The following ASB4 variants were observed in gnomAD, a reference collection of about 807,000 sequenced individuals.
The protein encoded by ASB4 is ankyrin repeat and SOCS box containing 4, also known as ankyrin repeat and SOCS box protein 4.
In ASB4, 35 loss-of-function variants were observed where a neutral mutation model predicts 38.6. That is an observed-to-expected ratio of 0.91 (90% CI 0.69 to 1.20). The LOEUF (loss-of-function observed/expected upper bound fraction) is 1.20, where lower values mean the gene tolerates loss of function less well. Ranked by LOEUF, ASB4 falls within the 50% of genes most tolerant of loss-of-function variation. The probability of loss-of-function intolerance (pLI) is 0.00; values close to 1 mark genes in which losing one functional copy is unlikely to be tolerated. For missense variants in ASB4, 557 were observed against 527.2 expected (o/e 1.06, Z -0.55); for synonymous variants, 195 against 201.3 (o/e 0.97, Z 0.26).
upstream of ASB4, among the ~76,000 whole-genome samples, chr7:95,485,004 GTGTGTGTATATATGTGTATATA>G (rs1790067828): frequency 7.3e-6 from 1 of 136,822 alleles, no homozygotes; most frequent in Non-Finnish European, 1.6e-5. Flanking sequence ...ATGTATATAT[GTGTGTGTATATATGTGTATATA>G]TGTATATATG....
intron 2 of ASB4, among the ~76,000 whole-genome samples, chr7:95,511,390 T>A (rs1195927116): frequency 1.3e-5 from 2 of 151,968 alleles, no homozygotes; most frequent in Non-Finnish European, 2.9e-5. Flanking sequence ...CACTCTTGAA[T>A]TAAGAGGGCC....
At chr7:95,546,726 G>C in the ASB4 span, among the ~76,000 whole-genome samples, 1 of 152,184 alleles carries the variant, frequency 6.6e-6, no homozygotes, top group African/African-American at 2.4e-5. Flanking sequence ...TCCTCTCACA[G>C]GCTCTTGGTC....
At chr7:95,545,300 AC>A in the ASB4 span, among the ~76,000 whole-genome samples, 1 of 152,138 alleles carries the variant, frequency 6.6e-6, no homozygotes, top group Non-Finnish European at 1.5e-5. Flanking sequence ...ATTCTATGGC[AC>A]CTTTCTTTAA....
chr7:95,501,064 T>G (rs1265888913), intron 2 of ASB4, among the ~76,000 whole-genome samples: 1 of 152,186 alleles, frequency 6.6e-6, no homozygotes, highest in South Asian at 2.1e-4. Context: ...ACATGCAAGC[T>G]TTTTATTTTT....
chr7:95,522,262 A>T (rs1345626140), intron 2 of ASB4, among the ~76,000 whole-genome samples: 6 of 152,198 alleles, frequency 3.9e-5, no homozygotes. Context: ...TTGATTTATT[A>T]GAACTTTACC....
At chr7:95,510,500 T>C (rs1457076131) in intron 2 of ASB4, among the ~76,000 whole-genome samples, 1 of 152,244 alleles carries the variant, frequency 6.6e-6, no homozygotes, top group East Asian at 1.9e-4. Flanking sequence ...AGGGTTAAAA[T>C]AATAGAAATA....
At chr7:95,535,682 T>A (rs1176220039) in intron 3 of ASB4, among the ~76,000 whole-genome samples, 3 of 152,182 alleles carry the variant, frequency 2.0e-5, no homozygotes, top group Non-Finnish European at 1.5e-5. Flanking sequence ...TTGACTAAGC[T>A]TTCAAGTATT....
At position 95,537,802 on chromosome 7, in the gene ASB4, A is replaced by G. The variant is rs771373292; in HGVS notation, c.*43A>G. The G allele has an allele frequency of 9.7e-6, 15 of 1,553,828 alleles. No individual in the cohort carries two copies. The Middle Eastern group carries it at 1.8e-3, about 190-fold the overall frequency. ...TTCCCAATCCTAGGTATTTAAGTGG[A>G]CTTGCTGGGTAGACACAGTTTGCCT... On this transcript the variant is annotated 3_prime_UTR_variant, in exon 5 of 5. Coordinates refer to ENST00000325885, the MANE Select transcript of ASB4 (RefSeq NM_016116.3).
At chr7:95,506,632 A>C (rs1790412187) in intron 2 of ASB4, among the ~76,000 whole-genome samples, 1 of 151,014 alleles carries the variant, frequency 6.6e-6, no homozygotes, top group African/African-American at 2.4e-5. Context: ...AAAGCCATTT[A>C]CATCTTCATT....
Position 95,515,219 on chromosome 7 carries a change from T to TTCTTTCTTTCTTTCTTTCTTTC in ASB4, c.488-12581_488-12580insCTTTCTTTCTCTTTCTTTCTTT, listed in dbSNP as rs1554349231. Among the ~76,000 whole-genome samples the TTCTTTCTTTCTTTCTTTCTTTC allele has an allele frequency of 5.9e-4, 77 of 130,940 alleles. 2 individuals carry two copies. The highest frequency in any genetic ancestry group is 2.3e-3 in the African/African-American group (72 of 30,988). The allele number at this position is 130,940 out of a possible 152,430, so 85.9% of individuals were successfully genotyped here. ...TTTCTTTCTTTCTTTCTTTCTTTCT[T>TTCTTTCTTTCTTTCTTTCTTTC]TCTTTCTTTCTTTTTCTTTCTTTCT... On this transcript the variant is annotated intron_variant, in intron 2 of 4. Coordinates refer to ENST00000325885, the MANE Select transcript of ASB4 (RefSeq NM_016116.3).
chr7:95,506,866 C>G (rs957895224), intron 2 of ASB4, among the ~76,000 whole-genome samples: 2 of 151,920 alleles, frequency 1.3e-5, no homozygotes. Context: ...TCTATATGCT[C>G]TCTTTCTTGA....
exon 1 of ASB4, chr7:95,478,573 C>T (rs957455961): frequency 6.6e-6 from 1 of 152,078 alleles, no homozygotes; most frequent in Non-Finnish European, 1.5e-5. Context: ...ATCGTGCCAG[C>T]GACCAAGATT....
chr7:95,488,427 A>T (rs1163365974), intron 1 of ASB4, among the ~76,000 whole-genome samples: 1 of 152,216 alleles, frequency 6.6e-6, no homozygotes, highest in Non-Finnish European at 1.5e-5. Context: ...AGGAATGGAA[A>T]GTTAGGAATG....
intron 2 of ASB4, among the ~76,000 whole-genome samples, chr7:95,502,148 C>T (rs898816690): frequency 6.7e-6 from 1 of 149,546 alleles, no homozygotes. Flanking sequence ...AGAAAAAGAA[C>T]AAAACGACCA....
upstream of ASB4, chr7:95,473,690 T>C (rs1438694204): frequency 6.6e-6 from 1 of 151,668 alleles, no homozygotes; most frequent in Non-Finnish European, 1.5e-5. Flanking sequence ...CATGTATCCA[T>C]AGGGAATTCA....
At chr7:95,484,749 G>C (rs986577295), upstream of ASB4, among the ~76,000 whole-genome samples, 11 of 152,030 alleles carry the variant, frequency 7.2e-5, no homozygotes, top group South Asian at 4.1e-4. Context: ...TTTAGAACTT[G>C]CTATTATAAT....
chr7:95,475,145 G>A (rs1336074436), upstream of ASB4, among the ~76,000 whole-genome samples: 1 of 152,164 alleles, frequency 6.6e-6, no homozygotes, highest in Non-Finnish European at 1.5e-5. Context: ...AGCAGTCTGT[G>A]TTGTAACAAG....
At chr7:95,533,300 CTGAT>C (rs557886798) in intron 3 of ASB4, among the ~76,000 whole-genome samples, 341 of 152,288 alleles carry the variant, frequency 2.2e-3, no homozygotes, top group Middle Eastern at 3.4e-3. Context: ...ATTCTGATCT[CTGAT>C]TGTCATCTTC....
intron 2 of ASB4, among the ~76,000 whole-genome samples, chr7:95,527,408 TAA>T (rs968060733): frequency 6.6e-6 from 1 of 152,242 alleles, no homozygotes; most frequent in Non-Finnish European, 1.5e-5. Context: ...AGTTGATTTT[TAA>T]AGAGTCAAGT....
Sources: gnomAD v4.1 joint callset for allele counts (sites outside exome capture counted in the v4.1 genomes callset) on GRCh38, gnomAD v4.1.1 for gene constraint, MANE v1.5 for transcripts, NCBI Gene and HGNC (gene_info 2026-07-23, HGNC 2026-07-21) for gene names.